CNKSR2: variants seen among roughly 807,000 people sequenced by gnomAD.
CNKSR2 encodes CNK homolog protein 2.
In CNKSR2, 14 loss-of-function variants were observed where a neutral mutation model predicts 84.4. That is an observed-to-expected ratio of 0.17 (90% CI 0.11 to 0.26). The LOEUF (loss-of-function observed/expected upper bound fraction) is 0.26, where lower values mean the gene tolerates loss of function less well. Ranked by LOEUF, CNKSR2 falls within the 10% of genes least tolerant of loss-of-function variation. The pLI is 1.00. For missense variants in CNKSR2, 485 were observed against 771.2 expected (o/e 0.63, Z 4.40); for synonymous variants, 275 against 277.9 (o/e 0.99, Z 0.10).
At chrX:21,381,779 C>A (rs980757771) in intron 1 of CNKSR2, among the ~76,000 whole-genome samples, 9 of 111,772 alleles carry the variant, frequency 8.1e-5, no homozygotes, top group Non-Finnish European at 1.5e-4. Flanking sequence ...TTCCCTATCC[C>A]TCTTCACCTA....
chrX:21,534,674 T>G (rs1569227117), intron 11 of CNKSR2, among the ~76,000 whole-genome samples: 1 of 111,499 alleles, frequency 9.0e-6, no homozygotes, highest in East Asian at 2.8e-4. Flanking sequence ...AATTTGCATT[T>G]CCCTAATGAT....
chrX:21,466,729 C>T (rs1448908541), intron 4 of CNKSR2, among the ~76,000 whole-genome samples: 1 of 111,168 alleles, frequency 9.0e-6, no homozygotes, highest in African/African-American at 3.3e-5. Flanking sequence ...GGATTACAGG[C>T]ATGTGCCACC....
intron 13 of CNKSR2, among the ~76,000 whole-genome samples, chrX:21,567,469 A>G (rs1409896047): frequency 9.0e-6 from 1 of 111,417 alleles, no homozygotes; most frequent in Non-Finnish European, 1.9e-5. Context: ...TCAACCTGCA[A>G]ACATAGCCCC....
chrX:21,596,543 C>A (rs1444915057), intron 17 of CNKSR2, among the ~76,000 whole-genome samples: 2 of 111,228 alleles, frequency 1.8e-5, no homozygotes, highest in African/African-American at 6.5e-5. Context: ...AACAATTGTA[C>A]CCAGGCATTT....
chrX:21,612,010 A>T (rs770819830), intron 20 of CNKSR2, among the ~76,000 whole-genome samples: 1 of 112,107 alleles, frequency 8.9e-6, no homozygotes, highest in Non-Finnish European at 1.9e-5. Flanking sequence ...TTCCTGGAAG[A>T]TGCTTATTAT....
intron 4 of CNKSR2, among the ~76,000 whole-genome samples, chrX:21,444,852 T>A (rs867416442): frequency 2.7e-5 from 3 of 111,572 alleles, no homozygotes; most frequent in Admixed American, 9.6e-5. Context: ...CTGCAAGATA[T>A]GTTGAAACAT....
At chrX:21,454,949 C>T (rs907590571) in intron 4 of CNKSR2, among the ~76,000 whole-genome samples, 5 of 111,496 alleles carry the variant, frequency 4.5e-5, no homozygotes, top group African/African-American at 1.6e-4. Context: ...CTCAAGTCCA[C>T]ATCTTTTGAC....
intron 20 of CNKSR2, among the ~76,000 whole-genome samples, chrX:21,609,852 T>G (rs73453504): frequency 0.028 from 3,154 of 111,552 alleles, 102 homozygotes; most frequent in African/African-American, 0.097. Flanking sequence ...CAAATAATTT[T>G]TTTCTCCAAC....
chrX:21,631,318 C>CTAAATAAA (rs1033115183), intron 20 of CNKSR2, among the ~76,000 whole-genome samples: 2 of 111,195 alleles, frequency 1.8e-5, no homozygotes, highest in Non-Finnish European at 3.8e-5. Context: ...AACCCTGTCT[C>CTAAATAAA]TAAATAAATA....
intron 1 of CNKSR2, among the ~76,000 whole-genome samples, chrX:21,399,902 T>G (rs1241759946): frequency 9.0e-6 from 1 of 111,580 alleles, no homozygotes; most frequent in East Asian, 2.8e-4. Flanking sequence ...TTTCTCATTT[T>G]TAAAATGAAG....
At chrX:21,442,537 G>T (rs1438986023) in intron 4 of CNKSR2, among the ~76,000 whole-genome samples, 3 of 112,064 alleles carry the variant, frequency 2.7e-5, no homozygotes, top group Non-Finnish European at 5.6e-5. Context: ...GTGTTGGTTT[G>T]CAAGATGAAA....
intron 4 of CNKSR2, among the ~76,000 whole-genome samples, chrX:21,457,643 G>A (rs986903908): frequency 2.7e-5 from 3 of 111,615 alleles, no homozygotes; most frequent in Non-Finnish European, 5.7e-5. Flanking sequence ...CTGTAAATGT[G>A]TGCAGATACA....
intron 11 of CNKSR2, 31 bp downstream of exon 11, chrX:21,532,098 A>G: frequency 9.6e-7 from 1 of 1,041,978 alleles, no homozygotes; most frequent in Non-Finnish European, 1.3e-6. Flanking sequence ...TTTATATAAG[A>G]CTATATTTCT....
chrX:21,455,745 C>T (rs181268427), intron 4 of CNKSR2, among the ~76,000 whole-genome samples: 22 of 112,335 alleles, frequency 2.0e-4, no homozygotes, highest in Admixed American at 3.8e-4. Flanking sequence ...TCAAAATGGT[C>T]AAGTACCAGC....
chrX:21,426,410 G>A, intron 1 of CNKSR2, 87 bp from the exon 2 acceptor site: 1 of 857,902 alleles, frequency 1.2e-6, no homozygotes, highest in Non-Finnish European at 1.7e-6. Context: ...TGACATGGTA[G>A]CATTAATGCT....
chrX:21,578,321 T>C (rs1482792514), intron 13 of CNKSR2, among the ~76,000 whole-genome samples: 4 of 111,597 alleles, frequency 3.6e-5, no homozygotes, highest in Non-Finnish European at 7.5e-5. Context: ...TTTTCATAAA[T>C]CTAGAGTGGT....
In CNKSR2 at chrX:21,526,773, A is replaced by T; in HGVS notation, c.958-94A>T. 8 of 786,885 alleles carry T rather than the reference A, an allele frequency of 1.0e-5. No individual in the cohort carries two copies. The South Asian group carries it at 2.3e-4, about 22-fold the overall frequency. The allele number at this position is 786,885 out of a possible 1,213,427, so 64.8% of individuals were successfully genotyped here. A position where few individuals can be genotyped will look rare whatever the true frequency, so the allele number is the denominator to read the frequency against. On this transcript the variant is annotated intron_variant, in intron 9 of 21. Coordinates refer to ENST00000379510, the MANE Select transcript of CNKSR2 (RefSeq NM_014927.5). ...TGCAGAAATAGATAATTTTAAAATG[A>T]TAACTATGTGTCATTGTTGTTGTTG... is the stretch of plus-strand genomic sequence containing the variant.
intron 5 of CNKSR2, among the ~76,000 whole-genome samples, chrX:21,483,593 A>AATATATATAT (rs10592013): frequency 8.1e-4 from 80 of 98,736 alleles, no homozygotes; most frequent in Middle Eastern, 5.0e-3. Context: ...AGTATAATAA[A>AATATATATAT]ATATATATAT....
intron 13 of CNKSR2, among the ~76,000 whole-genome samples, chrX:21,571,143 A>G (rs2092280992): frequency 8.9e-6 from 1 of 112,526 alleles, no homozygotes; most frequent in African/African-American, 3.2e-5. Context: ...CTATATTGCA[A>G]ATGTGTTATT....
Sources: allele counts gnomAD v4.1 joint callset (sites outside exome capture counted in the v4.1 genomes callset), GRCh38; gene constraint gnomAD v4.1.1; transcripts MANE v1.5; gene names NCBI Gene and HGNC (gene_info 2026-07-23, HGNC 2026-07-21).